The following GPHN variants were observed in gnomAD, a reference collection of about 807,000 sequenced individuals.
The protein encoded by GPHN is gephyrin.
In GPHN, 17 loss-of-function variants were observed where a neutral mutation model predicts 95.5. The observed-to-expected ratio is 0.18, with a 90% CI of 0.12 to 0.27. The LOEUF is 0.27. Among genes scored for constraint, GPHN ranks in the 10% least tolerant of loss-of-function variants. The pLI, the probability that GPHN is intolerant of heterozygous loss-of-function variation, is 1.00. For missense variants in GPHN, 660 were observed against 978.1 expected (o/e 0.67, Z 4.34); for synonymous variants, 320 against 322.5 (o/e 0.99, Z 0.08).
chr14:67,431,391 CAAAAAAAAAAA>C, the GPHN span, among the ~76,000 whole-genome samples: 8 of 77,514 alleles, frequency 1.0e-4, no homozygotes, highest in East Asian at 6.9e-4. Flanking sequence ...GACTCTGTCT[CAAAAAAAAAAA>C]AAAAAAAAAA....
intron 2 of GPHN, among the ~76,000 whole-genome samples, chr14:66,707,538 A>G (rs1206999584): frequency 2.6e-5 from 4 of 152,188 alleles, no homozygotes; most frequent in African/African-American, 9.7e-5. Flanking sequence ...GCTGGAAGTC[A>G]TCATCCTCAG....
chr14:67,111,951 A>C, intron 15 of GPHN, 32 bp downstream of exon 15: 2 of 1,515,886 alleles, frequency 1.3e-6, no homozygotes, highest in South Asian at 2.2e-5. Context: ...TATATAGCCT[A>C]CTTTTGTTTC....
At chr14:67,694,465 C>T in the GPHN span, among the ~76,000 whole-genome samples, 141 of 103,156 alleles carry the variant, frequency 1.4e-3, no homozygotes, top group African/African-American at 3.4e-3. Context: ...CACACACACA[C>T]ATATATATAT....
chr14:67,608,751 G>A, the GPHN span, among the ~76,000 whole-genome samples: 1 of 152,210 alleles, frequency 6.6e-6, no homozygotes, highest in Non-Finnish European at 1.5e-5. Context: ...GGTGTCTGGT[G>A]ATAGCCTGTT....
the GPHN span, among the ~76,000 whole-genome samples, chr14:67,672,447 C>CTTTTCT: frequency 1.2e-3 from 139 of 116,844 alleles, no homozygotes; most frequent in Non-Finnish European, 2.0e-3. Context: ...CTTTTCTTTT[C>CTTTTCT]TTTTTTTTTT....
chr14:66,640,438 A>C (rs1004662754), intron 1 of GPHN, among the ~76,000 whole-genome samples: 2 of 152,142 alleles, frequency 1.3e-5, no homozygotes, highest in Admixed American at 6.5e-5. Context: ...ACAACAACAA[A>C]AAAATGAAAT....
chr14:67,011,652 T>C (rs1294657230), intron 9 of GPHN, among the ~76,000 whole-genome samples: 2 of 151,614 alleles, frequency 1.3e-5, no homozygotes, highest in Non-Finnish European at 2.9e-5. Flanking sequence ...TGACCCGGCA[T>C]TTGAATAATG....
chr14:67,533,666 C>T, the GPHN span: 1 of 152,152 alleles, frequency 6.6e-6, no homozygotes, highest in Non-Finnish European at 1.5e-5. Flanking sequence ...GATCCAGCCG[C>T]TCCTGGGAAG....
At chr14:66,597,531 G>A (rs1004892141) in intron 1 of GPHN, among the ~76,000 whole-genome samples, 3 of 152,192 alleles carry the variant, frequency 2.0e-5, no homozygotes, top group African/African-American at 7.2e-5. Flanking sequence ...CAAAATTAGA[G>A]TGGGTGCCAG....
At chr14:67,728,778 G>T in the GPHN span, among the ~76,000 whole-genome samples, 1 of 151,286 alleles carries the variant, frequency 6.6e-6, no homozygotes, top group African/African-American at 2.4e-5. Context: ...TGCTTGCCAG[G>T]CAAATGCAGC....
At chr14:67,134,953 C>CTTCTT (rs573340363) in intron 17 of GPHN, among the ~76,000 whole-genome samples, 693 of 45,224 alleles carry the variant, frequency 0.015, 20 homozygotes, top group Non-Finnish European at 0.022. Context: ...TTTCTTTCTT[C>CTTCTT]TTTTTTTTTT....
chr14:67,623,963 C>T, the GPHN span, among the ~76,000 whole-genome samples: 35 of 152,138 alleles, frequency 2.3e-4, no homozygotes, highest in Non-Finnish European at 4.6e-4. Context: ...ACTTTAGCCT[C>T]TTGAGTAGCT....
intron 1 of GPHN, among the ~76,000 whole-genome samples, chr14:66,612,802 G>A (rs72726406): frequency 0.058 from 8,815 of 152,024 alleles, 359 homozygotes; most frequent in Middle Eastern, 0.099. Flanking sequence ...CATGTAAATG[G>A]AATTACACTC....
chr14:67,064,431 G>C (rs1330805037), intron 11 of GPHN, among the ~76,000 whole-genome samples: 1 of 152,130 alleles, frequency 6.6e-6, no homozygotes, highest in Non-Finnish European at 1.5e-5. Context: ...TTGGTATCAA[G>C]ATGATGCTAG....
intron 4 of GPHN, among the ~76,000 whole-genome samples, chr14:66,853,380 A>G (rs1254447725): frequency 1.3e-5 from 2 of 152,210 alleles, no homozygotes; most frequent in Non-Finnish European, 2.9e-5. Context: ...AGATTCAAAG[A>G]TGAGAATAGT....
At chr14:66,577,784 A>G (rs1595054687) in intron 1 of GPHN, among the ~76,000 whole-genome samples, 3 of 151,912 alleles carry the variant, frequency 2.0e-5, no homozygotes, top group Non-Finnish European at 4.4e-5. Context: ...TTCACTATGG[A>G]CAGAATTGTG....
chr14:67,238,025 T>A, the GPHN span, among the ~76,000 whole-genome samples: 2 of 152,138 alleles, frequency 1.3e-5, no homozygotes, highest in Admixed American at 6.5e-5. Context: ...CCCTTTACAT[T>A]ATAGATGAGA....
At chr14:67,657,616 ACACACACC>A in the GPHN span, among the ~76,000 whole-genome samples, 6 of 151,116 alleles carry the variant, frequency 4.0e-5, no homozygotes, top group African/African-American at 1.5e-4. Context: ...ACACACACAC[ACACACACC>A]CAAAATCAAA....
At chr14:67,241,354 T>G in the GPHN span, 2 of 148,066 alleles carry the variant, frequency 1.4e-5, no homozygotes, top group Non-Finnish European at 3.0e-5. Context: ...GCTGCGGCGG[T>G]GACGGCGGCG....
Sources: allele counts gnomAD v4.1 joint callset (sites outside exome capture counted in the v4.1 genomes callset), GRCh38; gene constraint gnomAD v4.1.1; transcripts MANE v1.5; gene names NCBI Gene and HGNC (gene_info 2026-07-23, HGNC 2026-07-21).